XPR1: variants seen among roughly 807,000 people sequenced by gnomAD.
XPR1 encodes xenotropic and polytropic retrovirus receptor 1.
XPR1 carries 28 observed loss-of-function variants against 87.5 expected under a neutral mutation model. The observed-to-expected ratio is 0.32, with a 90% CI of 0.24 to 0.44. XPR1 has a LOEUF of 0.44. Ranked by LOEUF, XPR1 falls within the 20% of genes least tolerant of loss-of-function variation. The pLI is 1.00. For synonymous variants in XPR1, 300 were observed against 306.1 expected, an observed-to-expected ratio of 0.98 and a Z score of 0.21; for missense variants, 559 against 862.3, an observed-to-expected ratio of 0.65 and a Z score of 4.41.
At chr1:180,642,248 C>T (rs531972018) in intron 1 of XPR1, among the ~76,000 whole-genome samples, 1 of 152,066 alleles carries the variant, frequency 6.6e-6, no homozygotes, top group Non-Finnish European at 1.5e-5. Context: ...TGGCCTCGTT[C>T]CTCTGTAACA....
intron 1 of XPR1, among the ~76,000 whole-genome samples, chr1:180,667,239 T>C (rs57004467): frequency 0.02 from 3,119 of 152,316 alleles, 108 homozygotes; most frequent in African/African-American, 0.071. Flanking sequence ...CCATTCATTG[T>C]GGGTTTTTCA....
At chr1:180,821,314 T>C (rs937918626) in intron 7 of XPR1, among the ~76,000 whole-genome samples, 2 of 152,236 alleles carry the variant, frequency 1.3e-5, no homozygotes, top group Non-Finnish European at 2.9e-5. Flanking sequence ...GAATATTCTT[T>C]TCCACTGAAT....
intron 11 of XPR1, among the ~76,000 whole-genome samples, chr1:180,839,245 G>A (rs1472740710): frequency 1.3e-5 from 2 of 152,088 alleles, no homozygotes; most frequent in Non-Finnish European, 2.9e-5. Context: ...TGAAAGCAAA[G>A]AGTTGAAAAT....
At chr1:180,782,684 T>C (rs1387759687) in intron 2 of XPR1, among the ~76,000 whole-genome samples, 3 of 151,980 alleles carry the variant, frequency 2.0e-5, no homozygotes, top group Non-Finnish European at 4.4e-5. Flanking sequence ...AAAGGCCCTG[T>C]CTCCAAATAC....
At chr1:180,784,739 C>G (rs1214865595) in intron 2 of XPR1, among the ~76,000 whole-genome samples, 2 of 151,894 alleles carry the variant, frequency 1.3e-5, no homozygotes, top group Non-Finnish European at 2.9e-5. Context: ...ATGTATAATT[C>G]ATTCTTTTCT....
At chr1:180,688,939 G>A (rs185927726) in intron 2 of XPR1, among the ~76,000 whole-genome samples, 44 of 151,944 alleles carry the variant, frequency 2.9e-4, no homozygotes, top group African/African-American at 9.9e-4. Flanking sequence ...TGCTGTATTT[G>A]ATTAATCTAT....
At chr1:180,742,633 G>A (rs1457151494) in intron 2 of XPR1, among the ~76,000 whole-genome samples, 1 of 151,976 alleles carries the variant, frequency 6.6e-6, no homozygotes. Context: ...TTTCTTTAAA[G>A]GTTAATTACA....
intron 6 of XPR1, among the ~76,000 whole-genome samples, chr1:180,808,738 C>T (rs1224304967): frequency 2.0e-5 from 3 of 151,984 alleles, no homozygotes; most frequent in African/African-American, 4.8e-5. Context: ...ATTAAAACCA[C>T]GGTAAGATAA....
chr1:180,858,990 A>G (rs1042446677), intron 11 of XPR1, among the ~76,000 whole-genome samples: 2 of 5,816 alleles, frequency 3.4e-4, no homozygotes, highest in African/African-American at 1.4e-3. Flanking sequence ...CTCAGTCATA[A>G]TTCAGTTTAC....
chr1:180,704,268 ATATATATATT>A (rs1310613190), intron 2 of XPR1, among the ~76,000 whole-genome samples: 3 of 140,076 alleles, frequency 2.1e-5, no homozygotes, highest in Non-Finnish European at 3.1e-5. Flanking sequence ...ATATATATAT[ATATATATATT>A]ATCAGATTAT....
intron 13 of XPR1, among the ~76,000 whole-genome samples, chr1:180,879,130 C>T (rs751247151): frequency 1.3e-5 from 2 of 152,188 alleles, no homozygotes; most frequent in South Asian, 2.1e-4. Context: ...CGACTCACAT[C>T]GCATGTCAGT....
rs1367693684 is a variant in XPR1 at position 180,887,413 on chromosome 1, A to T, written c.*3347A>T. ...AAGCATTGATGTGTGTAGAGAAATT[A>T]AAAGACAAGAGTGGTTTACTGTCTA... On this transcript the variant is annotated 3_prime_UTR_variant, in exon 15 of 15. Coordinates refer to ENST00000367590, the MANE Select transcript of XPR1 (RefSeq NM_004736.4). The T allele has an allele frequency of 6.6e-6, 1 of 152,182 alleles. No individual in the cohort carries two copies. Among genetic ancestry groups the T allele is most frequent in the Non-Finnish European group, 1.5e-5 (1 of 68,032 alleles). The allele number at this position is 152,182 out of a possible 1,614,324, so 9.4% of individuals were successfully genotyped here.
chr1:180,661,345 A>G (rs1277070966), intron 1 of XPR1, among the ~76,000 whole-genome samples: 1 of 151,750 alleles, frequency 6.6e-6, no homozygotes, highest in Non-Finnish European at 1.5e-5. Flanking sequence ...ATTTATGTTC[A>G]GTATTATTAC....
intron 1 of XPR1, among the ~76,000 whole-genome samples, chr1:180,659,937 A>T (rs912024397): frequency 6.6e-6 from 1 of 152,026 alleles, no homozygotes; most frequent in African/African-American, 2.4e-5. Context: ...TGTGAGTAGG[A>T]TTGGTATTAG....
At chr1:180,677,837 C>T (rs559310305) in intron 1 of XPR1, among the ~76,000 whole-genome samples, 1 of 152,286 alleles carries the variant, frequency 6.6e-6, no homozygotes, top group South Asian at 2.1e-4. Flanking sequence ...GGTCTATGCC[C>T]TGGAATGAAC....
Position 180,831,362 on chromosome 1 carries a change from C to CTTTTTCTT in XPR1, c.1135-3507_1135-3506insCTTTTTTT, listed in dbSNP as rs1553252332. On this transcript the variant is annotated intron_variant, in intron 9 of 14. Transcript: ENST00000367590. ...TTGCTTTCTATTTTCTTTTCTTTTTCTTTTTTTTTTTTTTTTTTTGATAAC... is the reference window on the plus strand; with the variant it reads ...TTGCTTTCTATTTTCTTTTCTTTTTCTTTTTCTTTTTTTTTTTTTTTTTTTTTGATAAC... 7.6e-3 allele frequency among the ~76,000 whole-genome samples: 881 copies of CTTTTTCTT among 115,230 alleles called. 8 individuals carry two copies. The highest frequency in any genetic ancestry group is 0.022 in the African/African-American group (689 of 31,906). 75.6% of individuals were successfully genotyped at this position (115,230 alleles called of 152,430 possible).
intron 1 of XPR1, among the ~76,000 whole-genome samples, chr1:180,680,178 T>C (rs1167556639): frequency 6.6e-6 from 1 of 151,800 alleles, no homozygotes; most frequent in African/African-American, 2.4e-5. Flanking sequence ...TGAGGTATCA[T>C]CTCACCCCAG....
chr1:180,696,204 G>GTATATATA (rs1280091948), intron 2 of XPR1, among the ~76,000 whole-genome samples: 362 of 102,246 alleles, frequency 3.5e-3, no homozygotes, highest in Non-Finnish European at 5.2e-3. Flanking sequence ...GTGTGTGTGT[G>GTATATATA]TGTGTATATA....
intron 11 of XPR1, among the ~76,000 whole-genome samples, chr1:180,848,323 T>C (rs1428097714): frequency 6.6e-6 from 1 of 152,176 alleles, no homozygotes; most frequent in African/African-American, 2.4e-5. Context: ...CTCTCCCCTA[T>C]GCTTCCCAGC....
Sources: gnomAD v4.1 joint callset for allele counts (sites outside exome capture counted in the v4.1 genomes callset) on GRCh38, gnomAD v4.1.1 for gene constraint, MANE v1.5 for transcripts, NCBI Gene and HGNC (gene_info 2026-07-23, HGNC 2026-07-21) for gene names.